Variants in WDFY3 observed in about 807,000 individuals in gnomAD.
WDFY3 encodes the protein WD repeat and FYVE domain containing 3, also known as WD repeat and FYVE domain-containing protein 3.
WDFY3 carries 66 observed loss-of-function variants against 409.6 expected under a neutral mutation model. The observed-to-expected ratio is 0.16, with a 90% CI of 0.13 to 0.20. WDFY3 has a LOEUF of 0.20. Among genes scored for constraint, WDFY3 ranks in the 10% least tolerant of loss-of-function variants. WDFY3 has a pLI of 1.00. For missense variants in WDFY3, 3,031 were observed against 4,298.1 expected (o/e 0.71, Z 8.24); for synonymous variants, 1,521 against 1,537.1 (o/e 0.99, Z 0.25).
chr4:84,719,100 GTTGTGAAAAATAAGTGAGATAATGT>G (rs1734429870), intron 47 of WDFY3, among the ~76,000 whole-genome samples: 1 of 152,128 alleles, frequency 6.6e-6, no homozygotes, highest in East Asian at 1.9e-4. Context: ...TAATTGGCTT[GTTGTGAAAAATAAGTGAGATAATGT>G]ACATAATCAG....
At chr4:84,715,814 A>T (rs2149042697) in intron 49 of WDFY3, among the ~76,000 whole-genome samples, 1 of 151,106 alleles carries the variant, frequency 6.6e-6, no homozygotes, top group East Asian at 1.9e-4. Flanking sequence ...TAATTTGCTA[A>T]CACTTTTAGA....
In WDFY3 at chr4:84,785,914, T is replaced by C. The variant is rs189984321; in HGVS notation, c.4062+65A>G. ...CACTCATAATTGAGTAGTATCCATA[T>C]GAGACTCTGAGACATGTTCCCAGTG... On this transcript the variant is annotated intron_variant, in intron 24 of 67. Coordinates refer to ENST00000295888, the MANE Select transcript of WDFY3 (RefSeq NM_014991.6). The C allele has an allele frequency of 9.6e-5, 150 of 1,567,926 alleles. 1 individual carries two copies. In the African/African-American group the frequency reaches 1.8e-3, roughly 18 times the overall value.
rs963873827 is a variant in WDFY3 at position 84,785,850 on chromosome 4, A to G, written c.4062+129T>C. ...GCCTACATTTGAAGTCAAATTAACC[A>G]AACATAAACAATACATGAAAGGCAT... On this transcript the variant is annotated intron_variant, in intron 24 of 67. Transcript: ENST00000295888. The G allele has an allele frequency of 2.4e-5, 28 of 1,188,042 alleles. No homozygotes were observed. In the South Asian group the frequency reaches 3.8e-4, roughly 16 times the overall value. The allele number at this position is 1,188,042 out of a possible 1,614,324, so 73.6% of individuals were successfully genotyped here.
intron 6 of WDFY3, among the ~76,000 whole-genome samples, chr4:84,838,814 C>T (rs1391265777): frequency 6.6e-6 from 1 of 152,140 alleles, no homozygotes; most frequent in Non-Finnish European, 1.5e-5. Flanking sequence ...TCCTTCTACC[C>T]TCACTTTCAA....
intron 8 of WDFY3, among the ~76,000 whole-genome samples, chr4:84,830,902 T>C (rs1293589263): frequency 2.0e-5 from 3 of 152,120 alleles, no homozygotes; most frequent in South Asian, 2.1e-4. Flanking sequence ...GAAATATCCA[T>C]TGTTGGCCAG....
At position 84,717,060 on chromosome 4, in the gene WDFY3, G is replaced by C. The variant is rs763983281; in HGVS notation, c.7755-44C>G. On this transcript the variant is annotated intron_variant, in intron 48 of 67. Transcript: ENST00000295888. ...AAAAGCAAATAAAAACACAGCAAGG[G>C]ATAAATTCACTGTTCCATAAAGGGC... 3 of 1,522,614 alleles carry C rather than the reference G, an allele frequency of 2.0e-6. No homozygotes were observed. The Admixed American group carries it at 6.0e-5, about 30-fold the overall frequency. The allele number at this position is 1,522,614 out of a possible 1,614,324, so 94.3% of individuals were successfully genotyped here. A position where few individuals can be genotyped will look rare whatever the true frequency, so the allele number is the denominator to read the frequency against.
intron 1 of WDFY3, among the ~76,000 whole-genome samples, chr4:84,955,235 C>G (rs1260084545): frequency 6.6e-6 from 1 of 151,234 alleles, no homozygotes; most frequent in Non-Finnish European, 1.5e-5. Context: ...AGCGGGAGCT[C>G]CCAGTAAGCG....
intron 30 of WDFY3, among the ~76,000 whole-genome samples, chr4:84,770,307 T>C (rs989478929): frequency 5.9e-5 from 9 of 151,650 alleles, no homozygotes; most frequent in African/African-American, 2.2e-4. Flanking sequence ...GGATTACAGG[T>C]GTGAGCCACC....
intron 57 of WDFY3, 142 bp downstream of exon 57, chr4:84,696,590 C>A (rs1578164288): frequency 2.8e-6 from 2 of 703,886 alleles, no homozygotes; most frequent in East Asian, 5.5e-5. Flanking sequence ...AACTGGGGTT[C>A]TTGGGATGTA....
At chr4:84,886,797 A>G (rs917988559) in intron 3 of WDFY3, among the ~76,000 whole-genome samples, 1 of 152,122 alleles carries the variant, frequency 6.6e-6, no homozygotes, top group African/African-American at 2.4e-5. Context: ...CTCCAACAAC[A>G]AAAAGTCATG....
chr4:84,753,919 G>A, intron 34 of WDFY3, 43 bp from the exon 35 acceptor site: 2 of 1,487,754 alleles, frequency 1.3e-6, no homozygotes, highest in Non-Finnish European at 1.8e-6. Context: ...TACAGTTATT[G>A]ACACTGCTAT....
rs773400141 is a variant in WDFY3, at chr4:84,696,026, G to A, written c.8845C>T (p.Leu2949=). ...AACCCAATTGTGGCTGTCTCCTTTA[G>A]TGGGTCATTGATGTTGTAGATATCC... The part of the protein sequence containing the change: ...QVDIYNINDP[L]KETATIGFIN... The change falls in exon 58 of 68, where the codon CTA becomes TTA. Residue 2949 remains leucine, a synonymous_variant. Coordinates refer to ENST00000295888, the MANE Select transcript of WDFY3 (RefSeq NM_014991.6). 1.9e-6 allele frequency: 3 copies of A among 1,614,150 alleles called. No homozygotes were observed. The highest frequency in any genetic ancestry group is 1.1e-5 in the South Asian group (1 of 91,080).
intron 3 of WDFY3, among the ~76,000 whole-genome samples, chr4:84,895,936 A>G (rs141867849): frequency 1.5e-3 from 227 of 152,300 alleles, no homozygotes; most frequent in African/African-American, 5.0e-3. Context: ...AAAGATAAAA[A>G]GAGACAAATT....
Position 84,798,025 on chromosome 4 carries a change from C to G in WDFY3, c.2906G>C (p.Ser969Thr). The stretch of plus-strand genomic sequence containing the variant: ...CATTTCTGGTTCATAACTCAGTGAA[C>G]TTGGTTTGTGGACCCTATATTGTTT... ...LLKQYRVHKP[S>T]SLSYEPEMRS... Residue 969 changes from serine to threonine, a missense_variant, in exon 18 of 68, where the codon AGT becomes ACT. By Grantham distance (58) the Ser-to-Thr change is moderately conservative (BLOSUM62 1). Around this residue, in one of 16 missense-constraint regions of WDFY3, gnomAD observed 1,322 missense variants for 1,697.9 expected, o/e 0.78. Transcript: ENST00000295888. 1 of 1,612,742 alleles carries G rather than the reference C, an allele frequency of 6.2e-7. No individual in the cohort carries two copies. The highest frequency in any genetic ancestry group is 8.5e-7 in the Non-Finnish European group (1 of 1,179,510).
intron 45 of WDFY3, among the ~76,000 whole-genome samples, chr4:84,725,588 T>C (rs1051469824): frequency 1.3e-5 from 2 of 152,152 alleles, no homozygotes; most frequent in African/African-American, 4.8e-5. Context: ...AGACTATGGA[T>C]TAATAATTTT....
chr4:84,861,430 A>T (rs370111499), intron 3 of WDFY3, among the ~76,000 whole-genome samples: 2 of 152,206 alleles, frequency 1.3e-5, no homozygotes, highest in African/African-American at 4.8e-5. Flanking sequence ...TACTTTGAGT[A>T]CATGAAGAAT....
chr4:84,789,666 C>T, intron 22 of WDFY3, 60 bp downstream of exon 22: 2 of 1,420,526 alleles, frequency 1.4e-6, no homozygotes, highest in South Asian at 1.3e-5. Context: ...CACACACACA[C>T]ACACCCCCCA....
intron 67 of WDFY3, among the ~76,000 whole-genome samples, chr4:84,673,498 G>T (rs17376461): frequency 0.035 from 5,400 of 152,200 alleles, 98 homozygotes; most frequent in South Asian, 0.05. Context: ...AGAAATATGA[G>T]TTTGATCACT....
chr4:84,805,021 G>A (rs993113169), intron 15 of WDFY3, among the ~76,000 whole-genome samples: 1 of 152,046 alleles, frequency 6.6e-6, no homozygotes, highest in African/African-American at 2.4e-5. Context: ...CCCACATGAC[G>A]CCATAAGTAG....
Sources: allele counts gnomAD v4.1 joint callset (sites outside exome capture counted in the v4.1 genomes callset), GRCh38; gene constraint gnomAD v4.1.1; regional missense constraint gnomAD v4.1.1; transcripts MANE v1.5; gene names NCBI Gene and HGNC (gene_info 2026-07-23, HGNC 2026-07-21).